SMCO4: variants seen among roughly 807,000 people sequenced by gnomAD.
The protein encoded by SMCO4 is single-pass membrane protein with coiled-coil domains 4.
A neutral mutation model predicts 3.6 loss-of-function variants in SMCO4; 4 were observed. That is an observed-to-expected ratio of 1.11 (90% CI 0.54 to 2.53). The LOEUF is 2.53. SMCO4 is among the 30% of genes most tolerant of loss of function. SMCO4 has a pLI of 0.02. For missense variants in SMCO4, 70 were observed against 80.8 expected (o/e 0.87, Z 0.51); for synonymous variants, 36 against 35.3 (o/e 1.02, Z -0.07).
At chr11:93,501,634 CCA>C (rs941883442) in intron 1 of SMCO4, among the ~76,000 whole-genome samples, 35 of 152,312 alleles carry the variant, frequency 2.3e-4, no homozygotes, top group African/African-American at 7.9e-4. Flanking sequence ...ACCAAATAAT[CCA>C]GGATGATCTC....
chr11:93,521,135 C>G (rs150403733), intron 1 of SMCO4, among the ~76,000 whole-genome samples: 1,579 of 152,300 alleles, frequency 0.01, 20 homozygotes, highest in Middle Eastern at 0.037. Flanking sequence ...CTCTAACTGG[C>G]AAAACCAGGA....
At chr11:93,534,357 CAT>C (rs574528655) in intron 1 of SMCO4, among the ~76,000 whole-genome samples, 1,555 of 86,966 alleles carry the variant, frequency 0.018, 30 homozygotes, top group Non-Finnish European at 0.028. Context: ...TATACACATA[CAT>C]ATATATATAT....
chr11:93,534,286 A>G (rs1949194774), intron 1 of SMCO4, among the ~76,000 whole-genome samples: 1 of 148,670 alleles, frequency 6.7e-6, no homozygotes, highest in Non-Finnish European at 1.5e-5. Context: ...ATACATATAT[A>G]CACACACACA....
At chr11:93,535,504 G>A in intron 1 of SMCO4, 3 of 1,392,586 alleles carry the variant, frequency 2.2e-6, no homozygotes, top group South Asian at 1.2e-5. Flanking sequence ...TCCTGACGGA[G>A]CTGACCAGAC....
At chr11:93,529,547 C>G (rs1437402461) in intron 1 of SMCO4, among the ~76,000 whole-genome samples, 15 of 152,170 alleles carry the variant, frequency 9.9e-5, no homozygotes. Flanking sequence ...AGTCTGAAAT[C>G]AGGCCCCCGC....
upstream of SMCO4, among the ~76,000 whole-genome samples, chr11:93,547,768 GAGAATATAATGAGTGTAGGCTGTGGA>G (rs1949324413): frequency 6.6e-6 from 1 of 152,206 alleles, no homozygotes; most frequent in Non-Finnish European, 1.5e-5. Flanking sequence ...AAAAGACAAA[GAGAATATAATGAGTGTAGGCTGTGGA>G]AGATTCTCTC....
intron 2 of SMCO4, among the ~76,000 whole-genome samples, chr11:93,488,692 T>A (rs977690829): frequency 3.3e-5 from 5 of 152,010 alleles, no homozygotes; most frequent in Non-Finnish European, 7.4e-5. Flanking sequence ...CCATCCCTAG[T>A]AGAGGCATGA....
chr11:93,481,799 A>G (rs1948595539), intron 2 of SMCO4, among the ~76,000 whole-genome samples: 1 of 152,184 alleles, frequency 6.6e-6, no homozygotes, highest in Admixed American at 6.5e-5. Flanking sequence ...TTCCTTGTGG[A>G]GCTAATGGCC....
intron 1 of SMCO4, among the ~76,000 whole-genome samples, chr11:93,518,493 T>C (rs573422286): frequency 2.6e-4 from 39 of 152,360 alleles, no homozygotes; most frequent in African/African-American, 9.1e-4. Context: ...CTGGGTCTTA[T>C]GATCATTCTA....
intron 1 of SMCO4, among the ~76,000 whole-genome samples, chr11:93,528,977 T>C (rs2134629035): frequency 6.6e-6 from 1 of 152,222 alleles, no homozygotes; most frequent in East Asian, 1.9e-4. Context: ...AAGCCACCCC[T>C]GGGCATAGGA....
At chr11:93,525,958 G>A (rs1247798363) in intron 1 of SMCO4, among the ~76,000 whole-genome samples, 1 of 152,160 alleles carries the variant, frequency 6.6e-6, no homozygotes, top group African/African-American at 2.4e-5. Context: ...AAAGCAAAAA[G>A]TCACAGAAGT....
chr11:93,516,748 C>T (rs1949011206), intron 1 of SMCO4, among the ~76,000 whole-genome samples: 1 of 151,894 alleles, frequency 6.6e-6, no homozygotes, highest in Admixed American at 6.5e-5. Context: ...CGAGATCGTG[C>T]CATTGCACTC....
chr11:93,502,688 C>G (rs1405929085), intron 1 of SMCO4, among the ~76,000 whole-genome samples: 1 of 152,112 alleles, frequency 6.6e-6, no homozygotes, highest in Non-Finnish European at 1.5e-5. Context: ...ATTTCCAGAA[C>G]TCTACACTAA....
intron 1 of SMCO4, among the ~76,000 whole-genome samples, chr11:93,526,657 C>T (rs892250997): frequency 6.6e-6 from 1 of 152,212 alleles, no homozygotes; most frequent in East Asian, 1.9e-4. Context: ...ACTGTTCTCA[C>T]GCACCATTGT....
chr11:93,478,866 C>G lies in SMCO4; in HGVS notation c.*144G>C. ...CCCAAGAAAGCGGAGATACTTTAAT[C>G]AAGTCAAAGACCAGAGAAGACAGGG... On this transcript the variant is annotated 3_prime_UTR_variant, in exon 3 of 3. Coordinates refer to ENST00000298966, the MANE Select transcript of SMCO4 (RefSeq NM_020179.3). 7.0e-7 allele frequency: 1 copy of G among 1,427,642 alleles called. No individual in the cohort carries two copies. The highest frequency in any genetic ancestry group is 9.1e-7 in the Non-Finnish European group (1 of 1,093,276). The allele number at this position is 1,427,642 out of a possible 1,614,324, so 88.4% of individuals were successfully genotyped here. A position where few individuals can be genotyped will look rare whatever the true frequency, so the allele number is the denominator to read the frequency against.
chr11:93,483,791 G>T lies in SMCO4; in HGVS notation c.-80-4522C>A, dbSNP rs370128521. Reference sequence around the variant, plus strand: ...GCCACTGACACAAAAGAAAGGACTGGCAGAGTCAAAGGTCAAACCCACATC... The same window carrying T: ...GCCACTGACACAAAAGAAAGGACTGTCAGAGTCAAAGGTCAAACCCACATC... On this transcript the variant is annotated intron_variant, in intron 2 of 2. Coordinates refer to ENST00000298966, the MANE Select transcript of SMCO4 (RefSeq NM_020179.3). Among the ~76,000 whole-genome samples, 9 of 152,322 alleles carry T rather than the reference G, an allele frequency of 5.9e-5. No homozygotes were observed. In the East Asian group the frequency reaches 1.7e-3, roughly 29 times the overall value.
intron 1 of SMCO4, among the ~76,000 whole-genome samples, chr11:93,525,862 C>CT (rs1450742148): frequency 3.3e-5 from 5 of 152,206 alleles, no homozygotes; most frequent in African/African-American, 9.7e-5. Context: ...GAAACGTGCA[C>CT]TGCAACAGTG....
chr11:93,506,844 C>T (rs999740393), intron 1 of SMCO4, among the ~76,000 whole-genome samples: 3 of 152,124 alleles, frequency 2.0e-5, no homozygotes, highest in East Asian at 1.9e-4. Context: ...AAATGTTAAG[C>T]GCACTCATTC....
chr11:93,535,662 G>T (rs1398387439), intron 1 of SMCO4: 25 of 1,608,566 alleles, frequency 1.6e-5, no homozygotes, highest in Non-Finnish European at 2.0e-5. Context: ...ATGGGAAAAA[G>T]AAGATCAGCA....
Sources: allele counts gnomAD v4.1 joint callset (sites outside exome capture counted in the v4.1 genomes callset), GRCh38; gene constraint gnomAD v4.1.1; transcripts MANE v1.5; gene names NCBI Gene and HGNC (gene_info 2026-07-23, HGNC 2026-07-21).